Variants in EYA4 observed in about 807,000 individuals in gnomAD.
The protein encoded by EYA4 is protein phosphatase EYA4.
EYA4 carries 31 observed loss-of-function variants against 87.9 expected under a neutral mutation model. The ratio of observed to expected loss-of-function variants is 0.35; its 90% CI spans 0.27 to 0.48. EYA4 has a LOEUF of 0.48. Among genes scored for constraint, EYA4 ranks in the 20% least tolerant of loss-of-function variants. EYA4 has a pLI of 0.99. For synonymous variants in EYA4, 263 were observed against 270.6 expected, an observed-to-expected ratio of 0.97 and a Z score of 0.28; for missense variants, 678 against 761.4, an observed-to-expected ratio of 0.89 and a Z score of 1.29.
chr6:133,365,211 C>T (rs1339341849), intron 2 of EYA4, among the ~76,000 whole-genome samples: 3 of 152,130 alleles, frequency 2.0e-5, no homozygotes, highest in Admixed American at 6.5e-5. Flanking sequence ...ACCAAGCGCC[C>T]CCAAACCTTG....
rs183406411 is a variant in EYA4 at position 133,290,237 on chromosome 6, C to T, written c.33+15424C>T. The stretch of plus-strand genomic sequence containing the variant: ...TGGGTAGGGGAGCAGAATCTTACCC[C>T]GGGAAGTGTGGCTTGAGAGTTGGCA... On this transcript the variant is annotated intron_variant, in intron 2 of 19. Coordinates refer to ENST00000355286, the MANE Select transcript of EYA4 (RefSeq NM_004100.5). Among the ~76,000 whole-genome samples, 25 of 152,270 alleles carry T rather than the reference C, an allele frequency of 1.6e-4. No individual in the cohort carries two copies. In the East Asian group the frequency reaches 2.3e-3, roughly 14 times the overall value.
chr6:133,366,489 G>A (rs1255036689), intron 2 of EYA4, among the ~76,000 whole-genome samples: 1 of 152,170 alleles, frequency 6.6e-6, no homozygotes, highest in African/African-American at 2.4e-5. Flanking sequence ...TTGAATGACT[G>A]GGGGCAGATC....
chr6:133,303,086 A>G (rs946529505), intron 2 of EYA4, among the ~76,000 whole-genome samples: 8 of 152,306 alleles, frequency 5.3e-5, no homozygotes, highest in South Asian at 2.1e-4. Flanking sequence ...GATTTGGTAT[A>G]TGGGCAGTTA....
intron 17 of EYA4, among the ~76,000 whole-genome samples, chr6:133,518,532 A>C (rs902975927): frequency 3.9e-5 from 6 of 152,220 alleles, no homozygotes; most frequent in Admixed American, 3.9e-4. Flanking sequence ...TTGTTGAATT[A>C]TGTAGTAGAA....
At chr6:133,422,790 G>T (rs1790328927) in intron 3 of EYA4, among the ~76,000 whole-genome samples, 1 of 152,150 alleles carries the variant, frequency 6.6e-6, no homozygotes, top group East Asian at 1.9e-4. Flanking sequence ...TATTGGCTTT[G>T]CTGCCTCCCT....
chr6:133,430,445 T>C (rs1388153444), intron 3 of EYA4, among the ~76,000 whole-genome samples: 1 of 152,232 alleles, frequency 6.6e-6, no homozygotes, highest in Non-Finnish European at 1.5e-5. Flanking sequence ...CTGTGTTTTT[T>C]ACAAATGTAT....
chr6:133,371,234 C>A (rs1016527491), intron 2 of EYA4, among the ~76,000 whole-genome samples: 1 of 152,058 alleles, frequency 6.6e-6, no homozygotes, highest in Non-Finnish European at 1.5e-5. Flanking sequence ...TTTGCGAGTA[C>A]TGATTTACTG....
chr6:133,526,166 C>A lies in EYA4; in HGVS notation c.1839+912C>A, dbSNP rs987995965. On this transcript the variant is annotated intron_variant, in intron 19 of 19. Transcript: ENST00000355286. ...GTCAACTCCACCCTAAGATCTACTG[C>A]TGCCTTCACCGAATGATAGAAAAAT... is the stretch of plus-strand genomic sequence containing the variant. Among the ~76,000 whole-genome samples the A allele has an allele frequency of 4.8e-4, 73 of 152,306 alleles. 1 individual carries two copies. The highest frequency in any genetic ancestry group is 1.6e-3 in the African/African-American group (68 of 41,568).
At chr6:133,450,572 C>T (rs1183317501) in intron 5 of EYA4, among the ~76,000 whole-genome samples, 2 of 152,172 alleles carry the variant, frequency 1.3e-5, no homozygotes, top group Non-Finnish European at 2.9e-5. Context: ...GGTGCCATCT[C>T]GGCTCACCGC....
At position 133,294,062 on chromosome 6, in the gene EYA4, T is replaced by TATAAAA. The variant is rs71003632; in HGVS notation, c.33+19250_33+19251insTAAAAA. On this transcript the variant is annotated intron_variant, in intron 2 of 19. Transcript: ENST00000355286. Reference sequence around the variant, plus strand: ...ATATATATATATATATATATATATATAATTCTATTCTATATATAACATTCT... The same window carrying TATAAAA: ...ATATATATATATATATATATATATATATAAAAAATTCTATTCTATATATAACATTCT... Among the ~76,000 whole-genome samples the TATAAAA allele has an allele frequency of 3.1e-4, 33 of 105,158 alleles. No individual in the cohort carries two copies. In the South Asian group the frequency reaches 4.3e-3, roughly 14 times the overall value. The allele number at this position is 105,158 out of a possible 152,430, so 69.0% of individuals were successfully genotyped here. A position where few individuals can be genotyped will look rare whatever the true frequency, so the allele number is the denominator to read the frequency against.
At chr6:133,327,836 TA>T (rs1160302374) in intron 2 of EYA4, among the ~76,000 whole-genome samples, 1 of 152,180 alleles carries the variant, frequency 6.6e-6, no homozygotes, top group Admixed American at 6.5e-5. Flanking sequence ...GATAGATGCT[TA>T]AAAGATTAGG....
intron 2 of EYA4, among the ~76,000 whole-genome samples, chr6:133,324,699 A>G (rs757187298): frequency 5.9e-5 from 9 of 152,096 alleles, no homozygotes; most frequent in Non-Finnish European, 1.2e-4. Flanking sequence ...GGTTCTCAGC[A>G]TAGCTCAGGA....
At chr6:133,321,491 C>A (rs544085707) in intron 2 of EYA4, among the ~76,000 whole-genome samples, 420 of 152,238 alleles carry the variant, frequency 2.8e-3, no homozygotes, top group African/African-American at 9.7e-3. Context: ...GTTCTTTTTA[C>A]ATTTCTGCCA....
At chr6:133,288,957 G>A (rs1051582798) in intron 2 of EYA4, among the ~76,000 whole-genome samples, 7 of 152,062 alleles carry the variant, frequency 4.6e-5, no homozygotes, top group African/African-American at 1.7e-4. Context: ...AGAGAGTTGT[G>A]GTAAGAAAAG....
rs1176632481 is a variant in EYA4, at chr6:133,531,942, A to G, written c.*3137A>G. ...CAAAGTTGCACTTTGACTCCCAACT[A>G]CGGTAGCATTATGGACATCTCACAA... On this transcript the variant is annotated 3_prime_UTR_variant, in exon 20 of 20. Transcript: ENST00000355286. 2.0e-5 allele frequency: 3 copies of G among 152,156 alleles called. No individual in the cohort carries two copies. The highest frequency in any genetic ancestry group is 1.3e-4 in the Admixed American group (2 of 15,270). The allele number at this position is 152,156 out of a possible 1,614,324, so 9.4% of individuals were successfully genotyped here.
chr6:133,474,263 A>G (rs182266939), intron 11 of EYA4, among the ~76,000 whole-genome samples: 1 of 152,202 alleles, frequency 6.6e-6, no homozygotes, highest in African/African-American at 2.4e-5. Flanking sequence ...TTTGTGTAAA[A>G]TGTTGCTTTT....
intron 2 of EYA4, among the ~76,000 whole-genome samples, chr6:133,354,164 A>G (rs1783843657): frequency 6.6e-6 from 1 of 152,152 alleles, no homozygotes; most frequent in Admixed American, 6.5e-5. Context: ...TGTTTGTGGT[A>G]TTAAGAACAA....
intron 3 of EYA4, among the ~76,000 whole-genome samples, chr6:133,396,448 G>T (rs988027059): frequency 1.3e-5 from 2 of 152,096 alleles, no homozygotes; most frequent in Non-Finnish European, 2.9e-5. Flanking sequence ...AGACAGATGC[G>T]CCACACCCTG....
At chr6:133,363,696 G>T (rs1040346582) in intron 2 of EYA4, among the ~76,000 whole-genome samples, 1 of 151,876 alleles carries the variant, frequency 6.6e-6, no homozygotes, top group African/African-American at 2.4e-5. Flanking sequence ...AGGATGGTCT[G>T]GATCTTCTGA....
Sources: allele counts gnomAD v4.1 joint callset (sites outside exome capture counted in the v4.1 genomes callset), GRCh38; gene constraint gnomAD v4.1.1; transcripts MANE v1.5; gene names NCBI Gene and HGNC (gene_info 2026-07-23, HGNC 2026-07-21).